FBXW8: variants seen among roughly 807,000 people sequenced by gnomAD.
The protein encoded by FBXW8 is F-box and WD repeat domain containing 8, also known as F-box/WD repeat-containing protein 8.
Under a neutral mutation model 65.3 loss-of-function variants are expected in FBXW8, and 57 were observed. That is an observed-to-expected ratio of 0.87 (90% CI 0.71 to 1.09). FBXW8 has a LOEUF of 1.09. FBXW8 is among the 50% of genes least tolerant of loss of function. The pLI is 0.00. For missense variants in FBXW8, 777 were observed against 814.8 expected (o/e 0.95, Z 0.57); for synonymous variants, 308 against 330.2 (o/e 0.93, Z 0.73).
rs1366400472 is a variant in FBXW8 at position 117,029,480 on chromosome 12, A to AG, written c.*1312dup. 6.6e-6 allele frequency: 1 copy of AG among 152,230 alleles called. No individual in the cohort carries two copies. Among genetic ancestry groups the AG allele is most frequent in the African/African-American group, 2.4e-5 (1 of 41,462 alleles). The allele number at this position is 152,230 out of a possible 1,614,324, so 9.4% of individuals were successfully genotyped here. ...GGGGATGGGGCTGGGAGGGGCTGTG[A>AG]GGGGCTGGCACCTCAGCTCAGAAAA... On this transcript the variant is annotated 3_prime_UTR_variant, in exon 11 of 11. Transcript: ENST00000652555.
chr12:116,951,802 C>T (rs1021722766), intron 4 of FBXW8, among the ~76,000 whole-genome samples: 1 of 152,186 alleles, frequency 6.6e-6, no homozygotes, highest in Non-Finnish European at 1.5e-5. Flanking sequence ...CTCCTTTTCA[C>T]ATAAAACCAG....
intron 1 of FBXW8, among the ~76,000 whole-genome samples, chr12:116,927,788 A>C (rs1042501510): frequency 7.9e-5 from 12 of 152,186 alleles, no homozygotes; most frequent in Non-Finnish European, 1.8e-4. Flanking sequence ...TGGGTTTCCT[A>C]AGTGAATATA....
At chr12:116,939,985 C>T (rs1317001597) in intron 2 of FBXW8, among the ~76,000 whole-genome samples, 1 of 152,220 alleles carries the variant, frequency 6.6e-6, no homozygotes, top group Non-Finnish European at 1.5e-5. Context: ...CCATGGTGTT[C>T]TGTCTAGTCA....
intron 1 of FBXW8, among the ~76,000 whole-genome samples, chr12:116,927,742 C>G (rs552123098): frequency 3.9e-5 from 6 of 152,182 alleles, no homozygotes; most frequent in Non-Finnish European, 5.9e-5. Context: ...GATAGCACCC[C>G]TGCTGCTTTG....
At chr12:117,008,981 C>T (rs1051201695) in intron 7 of FBXW8, among the ~76,000 whole-genome samples, 5 of 152,252 alleles carry the variant, frequency 3.3e-5, no homozygotes, top group Non-Finnish European at 5.9e-5. Flanking sequence ...GCAGGAGAAT[C>T]GCTTGAACCC....
chr12:116,925,264 G>A (rs1451411728), intron 1 of FBXW8, among the ~76,000 whole-genome samples: 1 of 152,080 alleles, frequency 6.6e-6, no homozygotes, highest in Non-Finnish European at 1.5e-5. Context: ...TGCAACCTGG[G>A]TGAGTCAGCT....
chr12:116,969,378 C>T (rs1425601765), intron 5 of FBXW8, among the ~76,000 whole-genome samples: 3 of 152,190 alleles, frequency 2.0e-5, no homozygotes, highest in South Asian at 2.1e-4. Flanking sequence ...TTTCCCCAGA[C>T]GTCAGGTGGC....
intron 5 of FBXW8, among the ~76,000 whole-genome samples, chr12:116,980,796 T>C (rs990520489): frequency 1.3e-5 from 2 of 152,224 alleles, no homozygotes; most frequent in African/African-American, 4.8e-5. Flanking sequence ...TGACCAAAAG[T>C]TAAGCTTATT....
At chr12:116,989,312 C>T (rs1376533824) in intron 7 of FBXW8, among the ~76,000 whole-genome samples, 5 of 152,234 alleles carry the variant, frequency 3.3e-5, no homozygotes, top group Admixed American at 2.0e-4. Context: ...CCTGTTTAGC[C>T]AGGCCCCTCA....
intron 3 of FBXW8, chr12:116,949,412 T>G (rs537287804): frequency 6.8e-6 from 4 of 584,008 alleles, no homozygotes; most frequent in African/African-American, 5.5e-5. Flanking sequence ...GTTCAGTGCC[T>G]TTGGGATATA....
intron 8 of FBXW8, among the ~76,000 whole-genome samples, chr12:117,019,453 T>C (rs1954035341): frequency 6.6e-6 from 1 of 152,216 alleles, no homozygotes; most frequent in Non-Finnish European, 1.5e-5. Flanking sequence ...GCCCATTTGC[T>C]GTGCTACCTG....
intron 1 of FBXW8, among the ~76,000 whole-genome samples, chr12:116,919,597 C>T (rs775858836): frequency 3.3e-5 from 5 of 152,120 alleles, no homozygotes; most frequent in African/African-American, 7.2e-5. Flanking sequence ...CCTTAGCTTC[C>T]GCCTCTTGTG....
At chr12:116,940,799 G>A (rs982561019) in intron 2 of FBXW8, among the ~76,000 whole-genome samples, 1 of 152,168 alleles carries the variant, frequency 6.6e-6, no homozygotes, top group East Asian at 1.9e-4. Flanking sequence ...ACCAGTGTCT[G>A]ATAAGATCCT....
At chr12:116,941,141 G>A (rs1170093338) in intron 2 of FBXW8, among the ~76,000 whole-genome samples, 1 of 152,212 alleles carries the variant, frequency 6.6e-6, no homozygotes, top group Admixed American at 6.5e-5. Flanking sequence ...CAGACTGCCT[G>A]TTGTTAGATC....
chr12:116,981,018 T>A (rs1282262369), intron 5 of FBXW8, among the ~76,000 whole-genome samples: 1 of 152,222 alleles, frequency 6.6e-6, no homozygotes, highest in Non-Finnish European at 1.5e-5. Context: ...CCTAGAATAG[T>A]GCCTTGGTAC....
chr12:116,954,111 C>CAAAAAA (rs59747365), intron 4 of FBXW8, among the ~76,000 whole-genome samples: 33 of 100,438 alleles, frequency 3.3e-4, no homozygotes, highest in African/African-American at 4.8e-4. Context: ...GACTCTGTCT[C>CAAAAAA]AAAAAAAAAA....
chr12:116,913,874 A>T (rs1224480265), intron 1 of FBXW8, among the ~76,000 whole-genome samples: 1 of 152,180 alleles, frequency 6.6e-6, no homozygotes, highest in Non-Finnish European at 1.5e-5. Context: ...TCTTCCTGGA[A>T]TTCATTTCCC....
chr12:116,941,325 ACT>A (rs958210257), intron 2 of FBXW8, among the ~76,000 whole-genome samples: 2 of 152,218 alleles, frequency 1.3e-5, no homozygotes, highest in African/African-American at 4.8e-5. Context: ...ACAGCGTGAC[ACT>A]CTCAGCATTA....
chr12:116,937,425 A>G (rs1235825329), intron 2 of FBXW8, among the ~76,000 whole-genome samples: 1 of 152,234 alleles, frequency 6.6e-6, no homozygotes, highest in Non-Finnish European at 1.5e-5. Context: ...GGACATGAGC[A>G]GGGCCAGGCA....
Sources: allele counts gnomAD v4.1 joint callset (sites outside exome capture counted in the v4.1 genomes callset), GRCh38; gene constraint gnomAD v4.1.1; transcripts MANE v1.5; gene names NCBI Gene and HGNC (gene_info 2026-07-23, HGNC 2026-07-21).